Variants in GABBR2 observed in about 807,000 individuals in gnomAD.
GABBR2 encodes G-protein coupled receptor 51.
GABBR2 carries 23 observed loss-of-function variants against 105.6 expected under a neutral mutation model. The observed-to-expected ratio is 0.22, with a 90% CI of 0.16 to 0.31. The LOEUF (loss-of-function observed/expected upper bound fraction) is 0.31. GABBR2 is among the 10% of genes least tolerant of loss of function. The pLI is 1.00. For missense variants in GABBR2, 734 were observed against 1,245.5 expected (o/e 0.59, Z 6.18); for synonymous variants, 478 against 499.7 (o/e 0.96, Z 0.58).
At chr9:98,702,436 G>A (rs1653928949) in intron 1 of GABBR2, among the ~76,000 whole-genome samples, 1 of 151,942 alleles carries the variant, frequency 6.6e-6, no homozygotes, top group Non-Finnish European at 1.5e-5. Context: ...CAGCCCCTCC[G>A]ACTCCAGGCT....
At chr9:98,636,555 G>A (rs1042506376) in intron 1 of GABBR2, among the ~76,000 whole-genome samples, 27 of 125,386 alleles carry the variant, frequency 2.2e-4, no homozygotes, top group East Asian at 1.2e-3. Flanking sequence ...GTGCAGTGGC[G>A]TGATCTCAGC....
intron 13 of GABBR2, among the ~76,000 whole-genome samples, chr9:98,341,289 G>A (rs1202193269): frequency 2.0e-5 from 3 of 152,348 alleles, no homozygotes; most frequent in Non-Finnish European, 1.5e-5. Flanking sequence ...GAGCCGAGCC[G>A]AGGCTGGGCC....
intron 9 of GABBR2, among the ~76,000 whole-genome samples, chr9:98,389,868 C>T (rs1398884432): frequency 1.3e-5 from 2 of 152,094 alleles, no homozygotes; most frequent in African/African-American, 4.8e-5. Context: ...TGTGAAACTT[C>T]AGGGCTTTTC....
intron 1 of GABBR2, among the ~76,000 whole-genome samples, chr9:98,614,728 T>C (rs1829555504): frequency 6.6e-6 from 1 of 150,740 alleles, no homozygotes; most frequent in Non-Finnish European, 1.5e-5. Context: ...CTGTTGTTTC[T>C]GTGGAGGGAA....
At chr9:98,395,445 G>A (rs1288239008) in intron 8 of GABBR2, among the ~76,000 whole-genome samples, 2 of 152,086 alleles carry the variant, frequency 1.3e-5, no homozygotes, top group African/African-American at 2.4e-5. Flanking sequence ...CATCGGCATG[G>A]AAGATGGGAA....
rs568571439 is a variant in GABBR2, at chr9:98,362,883, T to C, written c.1771-46A>G. ...GAGGGGAGCCGATGTGAGAGACAGC[T>C]TCCCACGCAGCAACTGGGGGCCCAG... On this transcript the variant is annotated intron_variant, in intron 12 of 18. Coordinates refer to ENST00000259455, the MANE Select transcript of GABBR2 (RefSeq NM_005458.8). The C allele has an allele frequency of 1.9e-5, 27 of 1,442,302 alleles. 1 individual carries two copies. In the South Asian group the frequency reaches 3.8e-4, roughly 20 times the overall value. The allele number at this position is 1,442,302 out of a possible 1,614,324, so 89.3% of individuals were successfully genotyped here.
intron 13 of GABBR2, among the ~76,000 whole-genome samples, chr9:98,343,428 C>T (rs1428684335): frequency 6.6e-6 from 1 of 152,112 alleles, no homozygotes; most frequent in East Asian, 1.9e-4. Context: ...TTGGAATGGT[C>T]AGGTGGAGGT....
At chr9:98,327,663 GT>G (rs1187813558) in intron 13 of GABBR2, among the ~76,000 whole-genome samples, 1 of 151,988 alleles carries the variant, frequency 6.6e-6, no homozygotes, top group Non-Finnish European at 1.5e-5. Context: ...GAGGTCAGGA[GT>G]TTGAGACCAG....
chr9:98,534,740 G>T (rs1249647115), intron 3 of GABBR2, among the ~76,000 whole-genome samples: 1 of 152,260 alleles, frequency 6.6e-6, no homozygotes, highest in African/African-American at 2.4e-5. Flanking sequence ...TACTGGAGAG[G>T]ATGGGGAGTC....
chr9:98,306,012 TAAA>T lies in GABBR2; in HGVS notation c.2229+106_2229+108del. On this transcript the variant is annotated intron_variant, in intron 15 of 18. Coordinates refer to ENST00000259455, the MANE Select transcript of GABBR2 (RefSeq NM_005458.8). The surrounding 1 kb of genome is among the most constrained non-coding windows in gnomAD (Gnocchi z 5.4). ...TCTATAATGTGAATTGTCTTCATCA[TAAA>T]AAAAAAAAGGAATGGGTAAACCTTT... 5.4e-6 allele frequency: 3 copies of T among 559,560 alleles called. No homozygotes were observed. Among genetic ancestry groups the T allele is most frequent in the Non-Finnish European group, 9.1e-6 (3 of 328,684 alleles). The allele number at this position is 559,560 out of a possible 1,614,324, so 34.7% of individuals were successfully genotyped here.
chr9:98,400,963 C>T (rs1212501198), intron 8 of GABBR2, among the ~76,000 whole-genome samples: 1 of 152,054 alleles, frequency 6.6e-6, no homozygotes, highest in Non-Finnish European at 1.5e-5. Flanking sequence ...ACAATGACTG[C>T]CCATGAAATG....
At chr9:98,674,208 G>C (rs539634973) in intron 1 of GABBR2, among the ~76,000 whole-genome samples, 1 of 152,260 alleles carries the variant, frequency 6.6e-6, no homozygotes, top group East Asian at 1.9e-4. Context: ...AAATGACATG[G>C]AAATCCAAGC....
chr9:98,414,683 G>A (rs1175189719), intron 7 of GABBR2, among the ~76,000 whole-genome samples: 2 of 152,256 alleles, frequency 1.3e-5, no homozygotes, highest in Non-Finnish European at 2.9e-5. Context: ...TAGGCACATG[G>A]CCAGACTAGG....
intron 1 of GABBR2, among the ~76,000 whole-genome samples, chr9:98,587,686 G>C (rs1829096578): frequency 6.6e-6 from 1 of 152,072 alleles, no homozygotes; most frequent in Non-Finnish European, 1.5e-5. Context: ...TCCATAGAAG[G>C]GCTTTAATCA....
At chr9:98,682,275 C>T (rs925919528) in intron 1 of GABBR2, among the ~76,000 whole-genome samples, 8 of 148,634 alleles carry the variant, frequency 5.4e-5, no homozygotes, top group East Asian at 3.9e-4. Context: ...AACAAAAAAC[C>T]GTATATTGAA....
chr9:98,463,627 G>A (rs1194199319), intron 6 of GABBR2, among the ~76,000 whole-genome samples: 3 of 151,228 alleles, frequency 2.0e-5, no homozygotes, highest in African/African-American at 4.9e-5. Flanking sequence ...CTCGCTCTCC[G>A]TCTCGCTCTC....
intron 11 of GABBR2, among the ~76,000 whole-genome samples, chr9:98,376,370 T>C (rs1043117551): frequency 3.9e-5 from 6 of 152,308 alleles, no homozygotes; most frequent in African/African-American, 1.2e-4. Flanking sequence ...CACAGATTCA[T>C]GTGGGCTTCA....
chr9:98,496,521 G>A lies in GABBR2; in HGVS notation c.631-7C>T, dbSNP rs16916507. 424,781 of 1,597,270 alleles carry A rather than the reference G, an allele frequency of 0.27. 59,109 individuals carry two copies. The highest frequency in any genetic ancestry group is 0.35 in the African/African-American group (25,986 of 74,620). On this transcript the variant is annotated splice_region_variant and splice_polypyrimidine_tract_variant and intron_variant, in intron 3 of 18. Coordinates refer to ENST00000259455, the MANE Select transcript of GABBR2 (RefSeq NM_005458.8). ...CAGTCAGGTCATTCCGCACCTGTCA[G>A]CAAAGAGAAAGCAGAGGGTGGGTGT...
chr9:98,653,199 A>G (rs955224778), intron 1 of GABBR2, among the ~76,000 whole-genome samples: 3 of 152,092 alleles, frequency 2.0e-5, no homozygotes, highest in African/African-American at 7.2e-5. Context: ...AAGTCTCTCT[A>G]TGTTACCTAG....
Sources: gnomAD v4.1 joint callset for allele counts (sites outside exome capture counted in the v4.1 genomes callset) on GRCh38, gnomAD v4.1.1 for gene constraint, Gnocchi (gnomAD v3.1) non-coding constraint, MANE v1.5 for transcripts, NCBI Gene and HGNC (gene_info 2026-07-23, HGNC 2026-07-21) for gene names.